Variants in PAK1 observed in about 807,000 individuals in gnomAD.
PAK1 encodes the protein serine/threonine-protein kinase PAK 1.
Under a neutral mutation model 67.4 loss-of-function variants are expected in PAK1, and 29 were observed. That is an observed-to-expected ratio of 0.43 (90% CI 0.32 to 0.59). The LOEUF is 0.59. Ranked by LOEUF, PAK1 falls within the 20% of genes least tolerant of loss-of-function variation. The pLI, the probability that PAK1 is intolerant of heterozygous loss-of-function variation, is 0.07. For synonymous variants in PAK1, 223 were observed against 237.4 expected (o/e 0.94, Z 0.56); for missense variants, 337 against 670.7 (o/e 0.50, Z 5.50).
the PAK1 span, among the ~76,000 whole-genome samples, chr11:77,501,778 A>G: frequency 6.6e-6 from 1 of 152,192 alleles, no homozygotes; most frequent in African/African-American, 2.4e-5. Context: ...AGAGAGCTCA[A>G]ATATGGATGG....
chr11:77,395,593 C>T (rs1301307903), intron 1 of PAK1, among the ~76,000 whole-genome samples: 1 of 151,796 alleles, frequency 6.6e-6, no homozygotes, highest in African/African-American at 2.4e-5. Context: ...TACTTATACA[C>T]ACACACAGAC....
At chr11:77,453,079 G>A (rs1417002755) in intron 1 of PAK1, among the ~76,000 whole-genome samples, 1 of 152,254 alleles carries the variant, frequency 6.6e-6, no homozygotes, top group Non-Finnish European at 1.5e-5. Context: ...TGGAGGCCAG[G>A]TGCGGTGGCT....
At chr11:77,516,294 C>T in the PAK1 span, among the ~76,000 whole-genome samples, 1 of 152,146 alleles carries the variant, frequency 6.6e-6, no homozygotes, top group Non-Finnish European at 1.5e-5. Flanking sequence ...TGAAGCTATA[C>T]AATGTCGTGA....
chr11:77,323,141 A>T lies in PAK1; in HGVS notation c.*133T>A. On this transcript the variant is annotated 3_prime_UTR_variant, in exon 15 of 15. Coordinates refer to ENST00000356341, the MANE Select transcript of PAK1 (RefSeq NM_002576.5). ...TGGACACACGGTTTCCAAGGATCAA[A>T]GTCTTGAGGAGTGCTAGATCAGGAA... 1 of 1,531,812 alleles carries T rather than the reference A, an allele frequency of 6.5e-7. No individual in the cohort carries two copies. Among genetic ancestry groups the T allele is most frequent in the South Asian group, 1.2e-5 (1 of 83,950 alleles). 94.9% of individuals were successfully genotyped at this position (1,531,812 alleles called of 1,614,324 possible). A position where few individuals can be genotyped will look rare whatever the true frequency, so the allele number is the denominator to read the frequency against.
At chr11:77,330,725 G>A (rs1042326781) in intron 14 of PAK1, among the ~76,000 whole-genome samples, 11 of 152,252 alleles carry the variant, frequency 7.2e-5, no homozygotes, top group African/African-American at 2.6e-4. Flanking sequence ...ATAGGCATGG[G>A]CAAGGACTTC....
At chr11:77,455,341 A>T (rs1957037311) in intron 1 of PAK1, among the ~76,000 whole-genome samples, 1 of 152,184 alleles carries the variant, frequency 6.6e-6, no homozygotes, top group African/African-American at 2.4e-5. Context: ...TTTCCTTCTA[A>T]ATGTGATTTA....
At chr11:77,524,511 A>G in the PAK1 span, among the ~76,000 whole-genome samples, 1 of 152,154 alleles carries the variant, frequency 6.6e-6, no homozygotes, top group Non-Finnish European at 1.5e-5. Context: ...CTTACATGCC[A>G]TCTTCTTTGA....
At chr11:77,407,117 C>T (rs500731) in intron 1 of PAK1, among the ~76,000 whole-genome samples, 106,048 of 152,056 alleles carry the variant, frequency 0.7, 37,829 homozygotes, top group African/African-American at 0.85. Flanking sequence ...CATTTTTATA[C>T]ATGAAGCTTA....
the PAK1 span, among the ~76,000 whole-genome samples, chr11:77,528,639 C>T: frequency 6.6e-6 from 1 of 152,184 alleles, no homozygotes; most frequent in Admixed American, 6.5e-5. Context: ...GCCACCACAC[C>T]CAACCTGTCT....
At chr11:77,326,170 T>C (rs1939793495) in intron 14 of PAK1, among the ~76,000 whole-genome samples, 1 of 152,172 alleles carries the variant, frequency 6.6e-6, no homozygotes, top group Non-Finnish European at 1.5e-5. Flanking sequence ...AACATATATG[T>C]TAAATACAAA....
At chr11:77,501,020 A>T in the PAK1 span, among the ~76,000 whole-genome samples, 1 of 150,448 alleles carries the variant, frequency 6.6e-6, no homozygotes, top group Non-Finnish European at 1.5e-5. Context: ...GCGTGGTGGC[A>T]GGCGCCTGTA....
intron 14 of PAK1, 126 bp from the exon 15 acceptor site, chr11:77,323,486 A>C: frequency 2.9e-6 from 2 of 693,464 alleles, no homozygotes; most frequent in East Asian, 2.7e-5. Context: ...ATCATCCCCA[A>C]ATTGAAGGAC....
At chr11:77,478,494 CT>C (rs1220961064), upstream of PAK1, among the ~76,000 whole-genome samples, 1 of 152,066 alleles carries the variant, frequency 6.6e-6, no homozygotes, top group Non-Finnish European at 1.5e-5. Flanking sequence ...AAGATCTGGC[CT>C]GGCACGGTGG....
At chr11:77,391,946 T>C (rs1376004189) in intron 2 of PAK1, among the ~76,000 whole-genome samples, 3 of 152,110 alleles carry the variant, frequency 2.0e-5, no homozygotes, top group Non-Finnish European at 4.4e-5. Flanking sequence ...GAAAAGGCAA[T>C]CAAGATTTTG....
chr11:77,458,938 C>T (rs1957198536), intron 1 of PAK1, among the ~76,000 whole-genome samples: 1 of 152,130 alleles, frequency 6.6e-6, no homozygotes, highest in Admixed American at 6.5e-5. Flanking sequence ...CCTCTAGGAA[C>T]TTAAAATCAT....
At chr11:77,503,806 C>T in the PAK1 span, among the ~76,000 whole-genome samples, 94 of 152,306 alleles carry the variant, frequency 6.2e-4, no homozygotes, top group Non-Finnish European at 1.0e-3. Flanking sequence ...GAGCCATGAT[C>T]GCACCACTCA....
At chr11:77,340,041 T>C (rs1943352584) in intron 11 of PAK1, among the ~76,000 whole-genome samples, 1 of 152,190 alleles carries the variant, frequency 6.6e-6, no homozygotes, top group Non-Finnish European at 1.5e-5. Flanking sequence ...CATCAGCGTA[T>C]TATCAATTCT....
intron 6 of PAK1, among the ~76,000 whole-genome samples, chr11:77,357,494 T>C (rs1180293854): frequency 6.6e-6 from 1 of 152,208 alleles, no homozygotes; most frequent in Non-Finnish European, 1.5e-5. Flanking sequence ...CCTGTCCTGA[T>C]ATATCTCTTT....
At chr11:77,379,806 G>A in intron 3 of PAK1, 88 bp downstream of exon 3, 2 of 885,982 alleles carry the variant, frequency 2.3e-6, no homozygotes, top group Non-Finnish European at 3.6e-6. Context: ...AAAGATAGAA[G>A]CATCAGGAAG....
Sources: allele counts gnomAD v4.1 joint callset (sites outside exome capture counted in the v4.1 genomes callset), GRCh38; gene constraint gnomAD v4.1.1; transcripts MANE v1.5; gene names NCBI Gene and HGNC (gene_info 2026-07-23, HGNC 2026-07-21).